The following AGAP1 variants were observed in gnomAD, a reference collection of about 807,000 sequenced individuals.
AGAP1 encodes the protein ArfGAP with GTPase domain, ankyrin repeat and PH domain 1.
In AGAP1, 29 loss-of-function variants were observed where a neutral mutation model predicts 105.3. The ratio of observed to expected loss-of-function variants is 0.28; its 90% confidence interval spans 0.21 to 0.38. AGAP1 has a LOEUF of 0.38. AGAP1 is among the 10% of genes least tolerant of loss of function. The pLI, the probability that AGAP1 is intolerant of heterozygous loss-of-function variation, is 1.00. For missense variants in AGAP1, 998 were observed against 1,165.1 expected (o/e 0.86, Z 2.09); for synonymous variants, 509 against 485.9 (o/e 1.05, Z -0.63).
chr2:235,580,249 T>C (rs1225115038), intron 1 of AGAP1, among the ~76,000 whole-genome samples: 1 of 152,144 alleles, frequency 6.6e-6, no homozygotes, highest in East Asian at 1.9e-4. Context: ...TTCACCTCTT[T>C]GGAGTATATC....
In AGAP1 at chr2:236,040,911, G is replaced by A; in HGVS notation, c.1891+70G>A. 1.3e-6 allele frequency: 2 copies of A among 1,487,930 alleles called. No individual in the cohort carries two copies. The highest frequency in any genetic ancestry group is 2.3e-5 in the East Asian group (1 of 44,106). 92.2% of individuals were successfully genotyped at this position (1,487,930 alleles called of 1,614,324 possible). On this transcript the variant is annotated intron_variant, in intron 15 of 17. Transcript: ENST00000304032. The surrounding 1 kb of genome is among the most constrained non-coding windows in gnomAD (Gnocchi z 5.6). ...AGACCACATGGTCCCACTAGGCCCG[G>A]GTTGCAGGGGACTCACATCTGTCCT... is the stretch of plus-strand genomic sequence containing the variant.
At chr2:235,627,205 T>TG (rs1378977769) in intron 1 of AGAP1, among the ~76,000 whole-genome samples, 3 of 147,024 alleles carry the variant, frequency 2.0e-5, no homozygotes, top group East Asian at 4.0e-4. Context: ...TTTTTTTTTT[T>TG]TTTTTTTTTT....
chr2:236,084,400 CT>C (rs1576266060), intron 16 of AGAP1, among the ~76,000 whole-genome samples: 1 of 152,176 alleles, frequency 6.6e-6, no homozygotes, highest in African/African-American at 2.4e-5. Context: ...CATTCGTACT[CT>C]ACTTTTGGAA....
chr2:235,753,754 G>A lies in AGAP1; in HGVS notation c.673+3266G>A, dbSNP rs1449610218. On this transcript the variant is annotated intron_variant, in intron 6 of 17. Transcript: ENST00000304032. The surrounding 1 kb of genome is among the most constrained non-coding windows in gnomAD (Gnocchi z 4.5). ...TATGGAATTTGAAAAGCAAATACCT[G>A]TGAAGCTACAACTTCCGTGACTATT... Among the ~76,000 whole-genome samples, 1 of 151,728 alleles carries A rather than the reference G, an allele frequency of 6.6e-6. No individual in the cohort carries two copies. The highest frequency in any genetic ancestry group is 1.5e-5 in the Non-Finnish European group (1 of 67,958).
chr2:235,698,797 G>C (rs555596665), intron 1 of AGAP1, among the ~76,000 whole-genome samples: 2 of 152,300 alleles, frequency 1.3e-5, no homozygotes, highest in East Asian at 1.9e-4. Flanking sequence ...CAGCTTGATG[G>C]TTGCATAATT....
chr2:235,876,421 A>G lies in AGAP1; in HGVS notation c.1051-6924A>G, dbSNP rs1438493870. Among the ~76,000 whole-genome samples, 5 of 152,130 alleles carry G rather than the reference A, an allele frequency of 3.3e-5. No individual in the cohort carries two copies. The East Asian group carries it at 7.7e-4, about 23-fold the overall frequency. On this transcript the variant is annotated intron_variant, in intron 9 of 17. Transcript: ENST00000304032. Reference sequence around the variant, plus strand: ...CCCGGCCCTTGCGTGCTAAACCTTAAGTGTCACCATATTCACCCCTAGGCT... The same window carrying G: ...CCCGGCCCTTGCGTGCTAAACCTTAGGTGTCACCATATTCACCCCTAGGCT...
chr2:235,589,206 T>TG (rs1553573669), intron 1 of AGAP1, among the ~76,000 whole-genome samples: 12 of 107,690 alleles, frequency 1.1e-4, no homozygotes, highest in South Asian at 3.6e-4. Flanking sequence ...TTTTTTTTTT[T>TG]TTTTTTTTTT....
rs886577749 is a variant in AGAP1 at position 235,988,952 on chromosome 2, G to A, written c.1645+20329G>A. On this transcript the variant is annotated intron_variant, in intron 13 of 17. Coordinates refer to ENST00000304032, the MANE Select transcript of AGAP1 (RefSeq NM_001037131.3). This position sits in a 1 kb window ranked among gnomAD's most constrained non-coding sequence, Gnocchi z 4.7. ...TCTCACACACCTGCACCTTGGGGTCGTTGAGTTTTAGTTTAGGTCTTCCGA... is the reference window on the plus strand; with the variant it reads ...TCTCACACACCTGCACCTTGGGGTCATTGAGTTTTAGTTTAGGTCTTCCGA... Among the ~76,000 whole-genome samples, 3 of 152,136 alleles carry A rather than the reference G, an allele frequency of 2.0e-5. No individual in the cohort carries two copies. Among genetic ancestry groups the A allele is most frequent in the East Asian group, 1.9e-4 (1 of 5,156 alleles).
At chr2:235,804,765 G>A (rs1957755600) in intron 8 of AGAP1, among the ~76,000 whole-genome samples, 1 of 152,210 alleles carries the variant, frequency 6.6e-6, no homozygotes, top group African/African-American at 2.4e-5. Context: ...GGCTTGCTGT[G>A]CGTTGACTTA....
chr2:235,909,002 A>G lies in AGAP1; in HGVS notation c.1324+96A>G, dbSNP rs149200755. ...TTGGACTCCTAGGTTAAGTGGAGAC[A>G]GTAACTATCACATTACAGATTAAGG... is the stretch of plus-strand genomic sequence containing the variant. On this transcript the variant is annotated intron_variant, in intron 11 of 17. Coordinates refer to ENST00000304032, the MANE Select transcript of AGAP1 (RefSeq NM_001037131.3). The G allele has an allele frequency of 4.2e-5, 49 of 1,175,824 alleles. No individual in the cohort carries two copies. The African/African-American group carries it at 5.6e-4, about 14-fold the overall frequency. The allele number at this position is 1,175,824 out of a possible 1,614,324, so 72.8% of individuals were successfully genotyped here.
In AGAP1 at chr2:235,958,070, C is replaced by T. The variant is rs1210909508; in HGVS notation, c.1484-10392C>T. Among the ~76,000 whole-genome samples, 1 of 151,936 alleles carries T rather than the reference C, an allele frequency of 6.6e-6. No individual in the cohort carries two copies. The highest frequency in any genetic ancestry group is 1.5e-5 in the Non-Finnish European group (1 of 67,986). On this transcript the variant is annotated intron_variant, in intron 12 of 17. Coordinates refer to ENST00000304032, the MANE Select transcript of AGAP1 (RefSeq NM_001037131.3). This position sits in a 1 kb window ranked among gnomAD's most constrained non-coding sequence, Gnocchi z 4.1. ...TTTTGTCTTTCTTTTCCTTTTTTTC[C>T]ATATAGATGCATGCTTCTTATGAAC...
At chr2:235,671,186 G>T in intron 1 of AGAP1, 7 of 1,064,140 alleles carry the variant, frequency 6.6e-6, no homozygotes, top group Non-Finnish European at 8.4e-6. Flanking sequence ...TGCGAACTCG[G>T]GTACTGCGGT....
At chr2:235,809,445 C>A (rs55962028) in intron 9 of AGAP1, among the ~76,000 whole-genome samples, 4,314 of 152,122 alleles carry the variant, frequency 0.028, 198 homozygotes, top group African/African-American at 0.096. Context: ...TCCCTCCTCA[C>A]ATCCACACCT....
At position 235,874,455 on chromosome 2, in the gene AGAP1, G is replaced by A. The variant is rs569949890; in HGVS notation, c.1051-8890G>A. ...GCTTCTCAGACATGGCTGCCCTCAT[G>A]CCTCCTTGGGGCCAGGGCTGTGGTT... On this transcript the variant is annotated intron_variant, in intron 9 of 17. Coordinates refer to ENST00000304032, the MANE Select transcript of AGAP1 (RefSeq NM_001037131.3). The surrounding 1 kb of genome is among the most constrained non-coding windows in gnomAD (Gnocchi z 4.5). Among the ~76,000 whole-genome samples the A allele has an allele frequency of 3.9e-4, 59 of 152,322 alleles. No individual in the cohort carries two copies. The highest frequency in any genetic ancestry group is 3.4e-3 in the Middle Eastern group (1 of 294).
Position 236,120,575 on chromosome 2 carries a change from T to G in AGAP1, c.2370+128T>G. 1.4e-6 allele frequency: 2 copies of G among 1,477,290 alleles called. No individual in the cohort carries two copies. Among genetic ancestry groups the G allele is most frequent in the Non-Finnish European group, 1.8e-6 (2 of 1,110,340 alleles). 91.5% of individuals were successfully genotyped at this position (1,477,290 alleles called of 1,614,324 possible). On this transcript the variant is annotated intron_variant, in intron 17 of 17. Transcript: ENST00000304032. This position sits in a 1 kb window ranked among gnomAD's most constrained non-coding sequence, Gnocchi z 6.0. ...ATCTGCAAGTGGAAACAGTTCCTAA[T>G]GGGAAACTCTGATTGAAGAGCAGAG...
intron 12 of AGAP1, among the ~76,000 whole-genome samples, chr2:235,935,812 C>T (rs189809724): frequency 1.1e-3 from 166 of 152,306 alleles, no homozygotes; most frequent in African/African-American, 3.8e-3. Context: ...AGCCACGAGT[C>T]AGCATCACTG....
In AGAP1 at chr2:235,842,821, A is replaced by G. The variant is rs1961020373; in HGVS notation, c.1050+35490A>G. On this transcript the variant is annotated intron_variant, in intron 9 of 17. Transcript: ENST00000304032. The surrounding 1 kb of genome is among the most constrained non-coding windows in gnomAD (Gnocchi z 5.3). Reference sequence around the variant, plus strand: ...TGGTTCACTGCAACCTCTGCCTCCCAGGTTCAAGTGATTCTTCTGCCTCAG... The same window carrying G: ...TGGTTCACTGCAACCTCTGCCTCCCGGGTTCAAGTGATTCTTCTGCCTCAG... 6.7e-6 allele frequency among the ~76,000 whole-genome samples: 1 copy of G among 149,632 alleles called. No homozygotes were observed. The highest frequency in any genetic ancestry group is 2.1e-4 in the South Asian group (1 of 4,800).
In AGAP1 at chr2:235,700,879, TATA is replaced by T. The variant is rs1354526352; in HGVS notation, c.164-8296_164-8294del. Among the ~76,000 whole-genome samples the T allele has an allele frequency of 2.7e-5, 4 of 147,982 alleles. No homozygotes were observed. The South Asian group carries it at 8.4e-4, about 31-fold the overall frequency. The stretch of plus-strand genomic sequence containing the variant: ...TTGTATACTCTACATAGTATATATT[TATA>T]ATATATGTATATAATGTATAATATA... On this transcript the variant is annotated intron_variant, in intron 1 of 17. Coordinates refer to ENST00000304032, the MANE Select transcript of AGAP1 (RefSeq NM_001037131.3). This position sits in a 1 kb window ranked among gnomAD's most constrained non-coding sequence, Gnocchi z 6.1.
intron 1 of AGAP1, among the ~76,000 whole-genome samples, chr2:235,603,219 TC>T (rs1397846506): frequency 6.7e-6 from 1 of 150,230 alleles, no homozygotes; most frequent in Non-Finnish European, 1.5e-5. Context: ...TCGGCTCTCG[TC>T]TCTCTCTTGC....
Sources: gnomAD v4.1 joint callset for allele counts (sites outside exome capture counted in the v4.1 genomes callset) on GRCh38, gnomAD v4.1.1 for gene constraint, Gnocchi (gnomAD v3.1) non-coding constraint, MANE v1.5 for transcripts, NCBI Gene and HGNC (gene_info 2026-07-23, HGNC 2026-07-21) for gene names.